Variants in SNX20 observed in about 807,000 individuals in gnomAD.
The protein encoded by SNX20 is sorting nexin 20.
A neutral mutation model predicts 24.5 loss-of-function variants in SNX20; 21 were observed. That is an observed-to-expected ratio of 0.86 (90% CI 0.61 to 1.23). SNX20 has a LOEUF of 1.23. Ranked by LOEUF, SNX20 falls within the 50% of genes most tolerant of loss-of-function variation. The pLI is 0.00. For missense variants in SNX20, 433 were observed against 430.8 expected (o/e 1.00, Z -0.04); for synonymous variants, 206 against 192.8 (o/e 1.07, Z -0.57).
chr16:50,668,776 T>G, downstream of SNX20: 1 of 1,208,170 alleles, frequency 8.3e-7, no homozygotes, highest in Non-Finnish European at 1.0e-6. Flanking sequence ...AACCTACCCC[T>G]ACCAGCAGGT....
chr16:50,679,104 G>A (rs898887280), intron 1 of SNX20, among the ~76,000 whole-genome samples: 1 of 152,244 alleles, frequency 6.6e-6, no homozygotes, highest in Non-Finnish European at 1.5e-5. Flanking sequence ...TCAAGACAAG[G>A]AAGGTGCAAA....
chr16:50,677,112 C>G (rs1354058086), intron 2 of SNX20, among the ~76,000 whole-genome samples: 1 of 152,184 alleles, frequency 6.6e-6, no homozygotes, highest in Non-Finnish European at 1.5e-5. Flanking sequence ...CCAGAAGACC[C>G]CCGCTGGGGT....
Position 50,677,382 on chromosome 16 carries a change from A to G in SNX20, c.130+15T>C. 9 of 1,565,260 alleles carry G rather than the reference A, an allele frequency of 5.7e-6. No individual in the cohort carries two copies. Among genetic ancestry groups the G allele is most frequent in the Non-Finnish European group, 7.8e-6 (9 of 1,153,648 alleles). On this transcript the variant is annotated intron_variant, in intron 2 of 3. Coordinates refer to ENST00000330943, the MANE Select transcript of SNX20 (RefSeq NM_182854.4). ...AGACCTCTCCCCCAGACCGAGTCTC[A>G]AGCCTCAAGCCCACCTAAGTGCCCG... is the stretch of plus-strand genomic sequence containing the variant.
At chr16:50,669,100 C>T (rs774544719), downstream of SNX20, 436 of 1,537,412 alleles carry the variant, frequency 2.8e-4, no homozygotes, top group Non-Finnish European at 3.2e-4. Context: ...GTCCCTGTCT[C>T]GCCACGTGAC....
chr16:50,673,770 A>T lies in SNX20; in HGVS notation c.587T>A (p.Leu196Gln). The change falls in exon 4 of 4, where the codon CTG becomes CAG. Residue 196 changes from leucine (L) to glutamine (Q), a missense_variant. Leu to Gln is a moderately radical substitution (Grantham distance 113). Coordinates refer to ENST00000330943, the MANE Select transcript of SNX20 (RefSeq NM_182854.4). This position sits in a 1 kb window ranked among gnomAD's most constrained non-coding sequence, Gnocchi z 4.1. Reference protein sequence around the residue: ...RPELREAFGCLRAGQYPRALE... With the variant: ...RPELREAFGCQRAGQYPRALE... ...GGCGCGCGGGTACTGGCCGGCCCGC[A>T]GGCAGCCGAAAGCCTCGCGCAGCTC... 1 of 1,535,638 alleles carries T rather than the reference A, an allele frequency of 6.5e-7. No individual in the cohort carries two copies. The highest frequency in any genetic ancestry group is 8.7e-7 in the Non-Finnish European group (1 of 1,148,470).
chr16:50,667,635 A>T, downstream of SNX20: 1 of 268,288 alleles, frequency 3.7e-6, no homozygotes, highest in South Asian at 5.1e-5. Flanking sequence ...GAGCAGCTAG[A>T]TCAAGGTTCC....
chr16:50,673,870 C>A lies in SNX20; in HGVS notation c.487G>T (p.Glu163Ter). Residue 163 changes from glutamate to a stop codon, truncating the protein, a stop_gained, in exon 4 of 4, where the codon GAG becomes TAG. Transcript: ENST00000330943. LOFTEE classifies it high-confidence loss of function. The surrounding 1 kb of genome is among the most constrained non-coding windows in gnomAD (Gnocchi z 4.1). ...ATGGCGTAGAGCAGGCCCAGGTACT[C>A]CTGCAGGGCGCGCCGACGCTCACAG... ...MICERRRALQEYLGLLYAIRC... is the reference protein window; with the variant it reads ...MICERRRALQ 6.2e-7 allele frequency: 1 copy of A among 1,606,864 alleles called. No individual in the cohort carries two copies. Among genetic ancestry groups the A allele is most frequent in the East Asian group, 2.2e-5 (1 of 44,784 alleles).
rs1963289252 is a variant in SNX20, at chr16:50,681,244, C to T, written c.-64G>A. 1 of 152,376 alleles carries T rather than the reference C, an allele frequency of 6.6e-6. No individual in the cohort carries two copies. The highest frequency in any genetic ancestry group is 2.1e-4 in the South Asian group (1 of 4,830). The allele number at this position is 152,376 out of a possible 1,614,324, so 9.4% of individuals were successfully genotyped here. A position where few individuals can be genotyped will look rare whatever the true frequency, so the allele number is the denominator to read the frequency against. On this transcript the variant is annotated 5_prime_UTR_variant, in exon 1 of 4. Coordinates refer to ENST00000330943, the MANE Select transcript of SNX20 (RefSeq NM_182854.4). The stretch of plus-strand genomic sequence containing the variant: ...GGGTCCGGGAGGAGTGTCATATGGC[C>T]CCTTCGAGCTCTTGGTTCTCAGCTC...
intron 2 of SNX20, 73 bp from the exon 3 acceptor site, chr16:50,675,994 TG>T (rs1963174368): frequency 6.8e-7 from 1 of 1,468,602 alleles, no homozygotes; most frequent in Non-Finnish European, 9.0e-7. Flanking sequence ...GGGAGATGGC[TG>T]GGTCTATCTG....
intron 1 of SNX20, among the ~76,000 whole-genome samples, chr16:50,680,845 G>C (rs1301789187): frequency 6.6e-6 from 1 of 152,214 alleles, no homozygotes; most frequent in African/African-American, 2.4e-5. Flanking sequence ...AGGTGCCATT[G>C]AACAGGCCTG....
Position 50,673,876 on chromosome 16 carries a change from G to A in SNX20, c.481C>T (p.Leu161=). 6.2e-7 allele frequency: 1 copy of A among 1,607,588 alleles called. No individual in the cohort carries two copies. Among genetic ancestry groups the A allele is most frequent in the Middle Eastern group, 1.7e-4 (1 of 6,058 alleles). Residue 161 remains leucine, a synonymous_variant, in exon 4 of 4, where the codon CTG becomes TTG. Coordinates refer to ENST00000330943, the MANE Select transcript of SNX20 (RefSeq NM_182854.4). The surrounding 1 kb of genome is among the most constrained non-coding windows in gnomAD (Gnocchi z 4.1). The stretch of plus-strand genomic sequence containing the variant: ...TAGAGCAGGCCCAGGTACTCCTGCA[G>A]GGCGCGCCGACGCTCACAGATCATC... The part of the protein sequence containing the change: ...EEMICERRRA[L]QEYLGLLYAI...
chr16:50,675,170 G>A (rs909456718), intron 3 of SNX20, among the ~76,000 whole-genome samples: 1 of 152,202 alleles, frequency 6.6e-6, no homozygotes, highest in Non-Finnish European at 1.5e-5. Flanking sequence ...TGGCTCTTAG[G>A]CAGTCTTTAA....
rs1371845898 is a variant in SNX20 at position 50,673,395 on chromosome 16, C to A, written c.*11G>T. On this transcript the variant is annotated 3_prime_UTR_variant, in exon 4 of 4. Coordinates refer to ENST00000330943, the MANE Select transcript of SNX20 (RefSeq NM_182854.4). The surrounding 1 kb of genome is among the most constrained non-coding windows in gnomAD (Gnocchi z 4.1). ...CAAATCTCCAGCGTCCCTGCGGGGT[C>A]CCAGGCCGGCTCAGTGCAGGTATTC... 2.7e-6 allele frequency: 4 copies of A among 1,486,450 alleles called. No individual in the cohort carries two copies. The East Asian group carries it at 1.0e-4, about 39-fold the overall frequency. The allele number at this position is 1,486,450 out of a possible 1,614,324, so 92.1% of individuals were successfully genotyped here.
intron 2 of SNX20, among the ~76,000 whole-genome samples, chr16:50,676,185 G>A (rs1441154977): frequency 1.3e-5 from 2 of 151,896 alleles, no homozygotes; most frequent in Non-Finnish European, 2.9e-5. Context: ...GGAATGCGGT[G>A]CGGGCACTTT....
rs568243727 is a variant in SNX20 at position 50,678,188 on chromosome 16, C to A, written c.-9-653G>T. ...CTGCACTCCAGTCTGGGTGACAGAA[C>A]AAGACCATCTCAAAAAGAAAAAAAG... is the stretch of plus-strand genomic sequence containing the variant. On this transcript the variant is annotated intron_variant, in intron 1 of 3. Coordinates refer to ENST00000330943, the MANE Select transcript of SNX20 (RefSeq NM_182854.4). Among the ~76,000 whole-genome samples the A allele has an allele frequency of 2.0e-3, 312 of 152,226 alleles. 1 individual carries two copies. Among genetic ancestry groups the A allele is most frequent in the African/African-American group, 7.2e-3 (300 of 41,528 alleles).
rs535907624 is a variant in SNX20, at chr16:50,681,021, C to A, written c.-10+169G>T. 1.8e-3 allele frequency among the ~76,000 whole-genome samples: 267 copies of A among 152,360 alleles called. 12 individuals are homozygous for A. In the South Asian group the frequency reaches 0.053, roughly 30 times the overall value. ...ATGGAGGTGATGGAAGGTCCAGGAG[C>A]TGTCCCTTCCTCTGCCTCAGTGTGC... On this transcript the variant is annotated intron_variant, in intron 1 of 3. Coordinates refer to ENST00000330943, the MANE Select transcript of SNX20 (RefSeq NM_182854.4).
chr16:50,675,859 G>T lies in SNX20; in HGVS notation c.193C>A (p.Gln65Lys). Residue 65 changes from glutamine to lysine, a missense_variant, in exon 3 of 4, where the codon CAG becomes AAG. By Grantham distance (53) the Gln-to-Lys change is moderately conservative. Coordinates refer to ENST00000330943, the MANE Select transcript of SNX20 (RefSeq NM_182854.4). Reference sequence around the variant, plus strand: ...TGCTTCCAGCGGCATTTCTGGTTCTGCCAGTACTGCTGAAGCTCCCGCGTG... The same window carrying T: ...TGCTTCCAGCGGCATTTCTGGTTCTTCCAGTACTGCTGAAGCTCCCGCGTG... ...MTTRELQQYW[Q>K]NQKCRWKHVK... is the part of the protein sequence containing the mutation. 6.2e-7 allele frequency: 1 copy of T among 1,613,388 alleles called. No homozygotes were observed. Among genetic ancestry groups the T allele is most frequent in the East Asian group, 2.2e-5 (1 of 44,856 alleles).
downstream of SNX20, chr16:50,669,433 C>CA (rs2150758223): frequency 2.8e-6 from 1 of 359,464 alleles, no homozygotes; most frequent in African/African-American, 2.1e-5. Context: ...TGTAAACTAA[C>CA]AGAGTGAGAA....
downstream of SNX20, chr16:50,667,876 C>A: frequency 1.2e-6 from 1 of 869,260 alleles, no homozygotes; most frequent in Non-Finnish European, 1.8e-6. Context: ...GGCGTGGGGA[C>A]TTTTGGAGGG....
Sources: allele counts gnomAD v4.1 joint callset (sites outside exome capture counted in the v4.1 genomes callset), GRCh38; gene constraint gnomAD v4.1.1; non-coding constraint Gnocchi (gnomAD v3.1); transcripts MANE v1.5; gene names NCBI Gene and HGNC (gene_info 2026-07-23, HGNC 2026-07-21).